Variants in CAMK1D observed in about 807,000 individuals in gnomAD.
CAMK1D encodes calcium/calmodulin dependent protein kinase ID.
In CAMK1D, 9 loss-of-function variants were observed where a neutral mutation model predicts 47.7. The ratio of observed to expected loss-of-function variants is 0.19; its 90% CI spans 0.11 to 0.33. The LOEUF (loss-of-function observed/expected upper bound fraction) is 0.33, where lower values mean the gene tolerates loss of function less well. Ranked by LOEUF, CAMK1D falls within the 10% of genes least tolerant of loss-of-function variation. The probability of loss-of-function intolerance (pLI) is 1.00; values close to 1 mark genes in which losing one functional copy is unlikely to be tolerated. For missense variants in CAMK1D, 291 were observed against 488.7 expected (o/e 0.60, Z 3.81); for synonymous variants, 184 against 184.9 (o/e 0.99, Z 0.04).
chr10:12,681,457 G>C (rs893037607), intron 3 of CAMK1D, among the ~76,000 whole-genome samples: 1 of 152,248 alleles, frequency 6.6e-6, no homozygotes. Context: ...TGCAGCCTCC[G>C]CTCCTGCAGC....
intron 2 of CAMK1D, among the ~76,000 whole-genome samples, chr10:12,608,678 A>G (rs978531814): frequency 6.6e-6 from 1 of 152,274 alleles, no homozygotes; most frequent in African/African-American, 2.4e-5. Flanking sequence ...TATGATAAAC[A>G]AGAACTTGTA....
chr10:12,507,055 G>A (rs1373986942), intron 1 of CAMK1D, among the ~76,000 whole-genome samples: 3 of 152,220 alleles, frequency 2.0e-5, no homozygotes, highest in Non-Finnish European at 2.9e-5. Flanking sequence ...TGGGTTGTTC[G>A]TTGGAATGCT....
chr10:12,671,563 C>A (rs1332784149), intron 3 of CAMK1D, among the ~76,000 whole-genome samples: 2 of 151,742 alleles, frequency 1.3e-5, no homozygotes, highest in Non-Finnish European at 2.9e-5. Context: ...TTTTGAACAT[C>A]TTTTCCCATG....
chr10:12,670,286 AT>A (rs1041428885), intron 3 of CAMK1D, among the ~76,000 whole-genome samples: 2 of 151,536 alleles, frequency 1.3e-5, no homozygotes, highest in Non-Finnish European at 2.9e-5. Context: ...CATGTTGATC[AT>A]TTTTTTATGC....
chr10:12,388,200 C>T (rs11257759), intron 1 of CAMK1D, among the ~76,000 whole-genome samples: 18,717 of 152,056 alleles, frequency 0.12, 1,343 homozygotes, highest in South Asian at 0.2. Context: ...CTAATTTTTG[C>T]GTTTTTAGTA....
At chr10:12,552,196 G>A (rs1243910588) in intron 1 of CAMK1D, among the ~76,000 whole-genome samples, 1 of 152,234 alleles carries the variant, frequency 6.6e-6, no homozygotes, top group East Asian at 1.9e-4. Flanking sequence ...CTCCAGAGAA[G>A]TGGGCTCTCC....
At chr10:12,750,653 G>A (rs1283300125) in intron 3 of CAMK1D, among the ~76,000 whole-genome samples, 1 of 151,432 alleles carries the variant, frequency 6.6e-6, no homozygotes, top group Non-Finnish European at 1.5e-5. Context: ...CAAGGTTAGG[G>A]GATGGGGAAA....
At chr10:12,399,471 T>C (rs1427069923) in intron 1 of CAMK1D, among the ~76,000 whole-genome samples, 1 of 151,714 alleles carries the variant, frequency 6.6e-6, no homozygotes, top group Non-Finnish European at 1.5e-5. Flanking sequence ...ACCACTGCAC[T>C]CTTGCCTGGG....
At chr10:12,820,658 A>G (rs572654904) in intron 8 of CAMK1D, among the ~76,000 whole-genome samples, 145 of 152,270 alleles carry the variant, frequency 9.5e-4, no homozygotes, top group Non-Finnish European at 1.9e-3. Context: ...CTTGGCAATC[A>G]TGGACACCTT....
intron 1 of CAMK1D, among the ~76,000 whole-genome samples, chr10:12,504,639 G>A (rs577170849): frequency 6.6e-6 from 1 of 152,146 alleles, no homozygotes; most frequent in South Asian, 2.1e-4. Context: ...TCTTAACCCG[G>A]TTAGGTTGAC....
intron 2 of CAMK1D, among the ~76,000 whole-genome samples, chr10:12,654,787 C>T (rs1055053847): frequency 6.6e-6 from 1 of 152,114 alleles, no homozygotes; most frequent in African/African-American, 2.4e-5. Flanking sequence ...ACGGAAGCCA[C>T]GAAGTTATCA....
intron 1 of CAMK1D, among the ~76,000 whole-genome samples, chr10:12,363,309 C>T (rs2131844547): frequency 6.6e-6 from 1 of 152,028 alleles, no homozygotes; most frequent in East Asian, 1.9e-4. Context: ...GGCTGGAGTG[C>T]AGTGGTACAG....
intron 1 of CAMK1D, among the ~76,000 whole-genome samples, chr10:12,522,194 TTTTTTTC>T (rs961066037): frequency 0.3 from 26,777 of 87,920 alleles, 2,520 homozygotes; most frequent in South Asian, 0.4. Context: ...ATATTTCCTT[TTTTTTTC>T]TTTTTTTTTT....
chr10:12,569,722 C>CAA (rs56335336), intron 2 of CAMK1D, among the ~76,000 whole-genome samples: 1,458 of 71,392 alleles, frequency 0.02, 150 homozygotes, highest in African/African-American at 0.075. Flanking sequence ...GACTCCGTCT[C>CAA]AAAAAAAAAA....
intron 1 of CAMK1D, among the ~76,000 whole-genome samples, chr10:12,547,682 T>TCTCTCTCACACACACACACA (rs10643491): frequency 6.0e-5 from 7 of 116,508 alleles, no homozygotes; most frequent in African/African-American, 2.2e-4. Context: ...TTTCTCTCTC[T>TCTCTCTCACACACACACACA]CACACACACA....
At chr10:12,730,507 T>C (rs976103856) in intron 3 of CAMK1D, among the ~76,000 whole-genome samples, 5 of 152,066 alleles carry the variant, frequency 3.3e-5, no homozygotes, top group Non-Finnish European at 7.4e-5. Flanking sequence ...AGATACACAT[T>C]GGGGGTGGAG....
chr10:12,747,971 A>T (rs754872150), intron 3 of CAMK1D, among the ~76,000 whole-genome samples: 6 of 152,186 alleles, frequency 3.9e-5, no homozygotes, highest in Non-Finnish European at 7.3e-5. Context: ...TGTTAATCTC[A>T]TCCAAAAAGC....
At chr10:12,790,115 G>A (rs1190797603) in intron 5 of CAMK1D, among the ~76,000 whole-genome samples, 3 of 152,242 alleles carry the variant, frequency 2.0e-5, no homozygotes, top group Admixed American at 6.5e-5. Context: ...AAGCCACAAG[G>A]CCAGGAACAG....
chr10:12,757,715 G>A (rs760088005), intron 3 of CAMK1D, among the ~76,000 whole-genome samples: 1 of 152,202 alleles, frequency 6.6e-6, no homozygotes, highest in Non-Finnish European at 1.5e-5. Context: ...CAGGGTGCTA[G>A]TGTGGGAAGA....
Sources: allele counts gnomAD v4.1 joint callset (sites outside exome capture counted in the v4.1 genomes callset), GRCh38; gene constraint gnomAD v4.1.1; transcripts MANE v1.5; gene names NCBI Gene and HGNC (gene_info 2026-07-23, HGNC 2026-07-21).